The following GAB2 variants were observed in gnomAD, a reference collection of about 807,000 sequenced individuals.
GAB2 encodes GRB2 associated binding protein 2.
In GAB2, 26 loss-of-function variants were observed where a neutral mutation model predicts 65.5. The ratio of observed to expected loss-of-function variants is 0.40; its 90% CI spans 0.29 to 0.55. The LOEUF is 0.55. Among genes scored for constraint, GAB2 ranks in the 20% least tolerant of loss-of-function variants. GAB2 has a pLI of 0.53. For synonymous variants in GAB2, 321 were observed against 329.6 expected (o/e 0.97, Z 0.28); for missense variants, 884 against 875.8 (o/e 1.01, Z -0.12).
intron 1 of GAB2, among the ~76,000 whole-genome samples, chr11:78,408,653 A>T (rs948175386): frequency 1.3e-5 from 2 of 152,168 alleles, no homozygotes; most frequent in African/African-American, 4.8e-5. Flanking sequence ...TCTGAGGTCA[A>T]ATTGTCATCC....
At chr11:78,221,007 G>A (rs1259347674) in intron 8 of GAB2, among the ~76,000 whole-genome samples, 1 of 152,168 alleles carries the variant, frequency 6.6e-6, no homozygotes, top group African/African-American at 2.4e-5. Context: ...TGAAGAGGGT[G>A]GCTTCATCTC....
At chr11:78,404,387 A>G (rs1292466501) in intron 1 of GAB2, among the ~76,000 whole-genome samples, 1 of 152,214 alleles carries the variant, frequency 6.6e-6, no homozygotes, top group Non-Finnish European at 1.5e-5. Flanking sequence ...TGCAAAAAAT[A>G]AAACAAAAAA....
At chr11:78,375,670 G>C (rs1856623591) in intron 1 of GAB2, among the ~76,000 whole-genome samples, 1 of 152,136 alleles carries the variant, frequency 6.6e-6, no homozygotes, top group African/African-American at 2.4e-5. Flanking sequence ...AGCTGAACTA[G>C]AGAGGCAGAG....
chr11:78,380,408 G>A (rs185552587), intron 1 of GAB2, among the ~76,000 whole-genome samples: 187 of 152,192 alleles, frequency 1.2e-3, no homozygotes, highest in African/African-American at 4.3e-3. Flanking sequence ...GTTTCACCAC[G>A]TTGGCCAGGA....
At chr11:78,395,438 C>T (rs142082545) in intron 1 of GAB2, among the ~76,000 whole-genome samples, 1 of 152,192 alleles carries the variant, frequency 6.6e-6, no homozygotes, top group Admixed American at 6.5e-5. Context: ...CGGGCAACAG[C>T]AAGTCTCCAT....
intron 1 of GAB2, among the ~76,000 whole-genome samples, chr11:78,376,544 A>C (rs1436521624): frequency 6.6e-6 from 1 of 152,230 alleles, no homozygotes; most frequent in Non-Finnish European, 1.5e-5. Context: ...TTCATCTTTT[A>C]AGTAAAAGGT....
At chr11:78,404,456 AG>A (rs1857014737) in intron 1 of GAB2, among the ~76,000 whole-genome samples, 1 of 152,256 alleles carries the variant, frequency 6.6e-6, no homozygotes, top group African/African-American at 2.4e-5. Context: ...ATGAGGTGGC[AG>A]GATCGCTTGA....
intron 1 of GAB2, among the ~76,000 whole-genome samples, chr11:78,389,363 A>G (rs1856805788): frequency 6.6e-6 from 1 of 151,508 alleles, no homozygotes. Context: ...AAGGAGTGCA[A>G]TGGCACAATC....
chr11:78,316,525 C>T (rs527563191), intron 1 of GAB2, among the ~76,000 whole-genome samples: 5 of 152,044 alleles, frequency 3.3e-5, no homozygotes, highest in Admixed American at 2.0e-4. Flanking sequence ...ACAAAATGAC[C>T]AAGAAGCACA....
intron 1 of GAB2, among the ~76,000 whole-genome samples, chr11:78,362,839 CA>C (rs996399933): frequency 2.0e-5 from 3 of 151,750 alleles, no homozygotes; most frequent in Admixed American, 2.0e-4. Flanking sequence ...GACTACCAAG[CA>C]AAAAAAGATA....
rs916817498 is a variant in GAB2 at position 78,272,393 on chromosome 11, G to C, written c.376+8208C>G. Among the ~76,000 whole-genome samples the C allele has an allele frequency of 4.6e-5, 7 of 152,230 alleles. No individual in the cohort carries two copies. The South Asian group carries it at 1.0e-3, about 23-fold the overall frequency. On this transcript the variant is annotated intron_variant, in intron 2 of 9. Coordinates refer to ENST00000361507, the MANE Select transcript of GAB2 (RefSeq NM_080491.3). ...GTCCAGGCTGAGGTGGTCTCAGATG[G>C]AGATGAGGAACTTGTTGGAAACTGG...
intron 1 of GAB2, 36 bp downstream of exon 1, chr11:78,417,610 C>T (rs746103156): frequency 8.1e-7 from 1 of 1,231,986 alleles, no homozygotes; most frequent in South Asian, 1.6e-5. Flanking sequence ...CCGGAGCGCC[C>T]CCCGCCCGCC....
intron 1 of GAB2, among the ~76,000 whole-genome samples, chr11:78,308,532 A>G (rs1323720739): frequency 6.6e-6 from 1 of 152,260 alleles, no homozygotes; most frequent in African/African-American, 2.4e-5. Context: ...TGGAAGAAAC[A>G]GGATCAGATC....
intron 2 of GAB2, among the ~76,000 whole-genome samples, chr11:78,253,274 G>A (rs529975168): frequency 3.0e-4 from 46 of 151,998 alleles, no homozygotes; most frequent in Non-Finnish European, 5.0e-4. Context: ...GATTACAGGC[G>A]TGAGCCACCA....
chr11:78,311,875 G>A (rs1213215787), intron 1 of GAB2, among the ~76,000 whole-genome samples: 1 of 152,174 alleles, frequency 6.6e-6, no homozygotes, highest in African/African-American at 2.4e-5. Context: ...TCATACAGAG[G>A]CCAGAGCCCT....
chr11:78,363,299 G>A (rs950821242), intron 1 of GAB2, among the ~76,000 whole-genome samples: 9 of 152,186 alleles, frequency 5.9e-5, no homozygotes, highest in Non-Finnish European at 1.3e-4. Flanking sequence ...GTGTGCTTAT[G>A]CTTCAATTAA....
chr11:78,338,711 T>C (rs2134688114), intron 1 of GAB2, among the ~76,000 whole-genome samples: 1 of 152,340 alleles, frequency 6.6e-6, no homozygotes. Context: ...GATATCTTAA[T>C]GACCAGTACT....
At chr11:78,399,760 A>G (rs1856946253) in intron 1 of GAB2, among the ~76,000 whole-genome samples, 1 of 152,050 alleles carries the variant, frequency 6.6e-6, no homozygotes, top group African/African-American at 2.4e-5. Flanking sequence ...TCCCTATGCC[A>G]CCTCCCCCAG....
At chr11:78,315,135 CA>C (rs1213039904) in intron 1 of GAB2, among the ~76,000 whole-genome samples, 4 of 152,260 alleles carry the variant, frequency 2.6e-5, no homozygotes, top group African/African-American at 7.2e-5. Flanking sequence ...AGTAAAAGGG[CA>C]GGGGGGAGGA....
Sources: allele counts gnomAD v4.1 joint callset (sites outside exome capture counted in the v4.1 genomes callset), GRCh38; gene constraint gnomAD v4.1.1; transcripts MANE v1.5; gene names NCBI Gene and HGNC (gene_info 2026-07-23, HGNC 2026-07-21).